Variants in IRAG2 observed in about 807,000 individuals in gnomAD.
The protein encoded by IRAG2 is lymphoid restricted membrane protein.
IRAG2 carries 45 observed loss-of-function variants against 69.9 expected under a neutral mutation model. The ratio of observed to expected loss-of-function variants is 0.64; its 90% CI spans 0.51 to 0.83. The LOEUF (loss-of-function observed/expected upper bound fraction) is 0.83, where lower values mean the gene tolerates loss of function less well. Ranked by LOEUF, IRAG2 falls within the 40% of genes least tolerant of loss-of-function variation. IRAG2 has a pLI of 0.00. For synonymous variants in IRAG2, 193 were observed against 202.4 expected, an observed-to-expected ratio of 0.95 and a Z score of 0.40; for missense variants, 520 against 587.0, an observed-to-expected ratio of 0.89 and a Z score of 1.18.
upstream of IRAG2, among the ~76,000 whole-genome samples, chr12:25,002,649 C>CTTCTT (rs1944400347): frequency 6.9e-6 from 1 of 145,476 alleles, no homozygotes; most frequent in Non-Finnish European, 1.5e-5. Flanking sequence ...TTCTTCTTTT[C>CTTCTT]TTTTTTTTTT....
chr12:25,081,188 C>T (rs7315058), intron 9 of IRAG2, among the ~76,000 whole-genome samples: 4 of 152,118 alleles, frequency 2.6e-5, no homozygotes, highest in African/African-American at 9.7e-5. Flanking sequence ...TGTGGCTGGG[C>T]GTGGTGGCTC....
chr12:25,108,138 G>A lies in IRAG2; in HGVS notation c.*78G>A, dbSNP rs1949346974. ...CTTCGTAAATTAGTAACTTTTAGCT[G>A]GGAAAGTATAGCATGAAACCAGAGG... On this transcript the variant is annotated 3_prime_UTR_variant, in exon 22 of 22. Coordinates refer to ENST00000556887, the MANE Select transcript of IRAG2 (RefSeq NM_001366544.2). 1 of 1,501,218 alleles carries A rather than the reference G, an allele frequency of 6.7e-7. No homozygotes were observed. The highest frequency in any genetic ancestry group is 9.1e-7 in the Non-Finnish European group (1 of 1,104,940). The allele number at this position is 1,501,218 out of a possible 1,614,324, so 93.0% of individuals were successfully genotyped here. A position where few individuals can be genotyped will look rare whatever the true frequency, so the allele number is the denominator to read the frequency against.
At chr12:25,045,942 G>A (rs2139866942) in intron 16 of IRAG2, among the ~76,000 whole-genome samples, 1 of 150,550 alleles carries the variant, frequency 6.6e-6, no homozygotes, top group South Asian at 2.1e-4. Context: ...AGCTAGGCCA[G>A]TACCCCTGAT....
intron 5 of IRAG2, among the ~76,000 whole-genome samples, chr12:25,067,741 C>T (rs1946078712): frequency 6.6e-6 from 1 of 152,162 alleles, no homozygotes. Flanking sequence ...AATTTGGGCT[C>T]ACTGAAACCT....
At chr12:25,067,322 T>A (rs1946045815) in intron 5 of IRAG2, among the ~76,000 whole-genome samples, 1 of 152,084 alleles carries the variant, frequency 6.6e-6, no homozygotes, top group African/African-American at 2.4e-5. Flanking sequence ...GTGTGGGGGT[T>A]TTTTTCCCCA....
rs77453388 is a variant in IRAG2, at chr12:25,089,824, A to G, written c.465+34A>G. 0.093 allele frequency: 150,091 copies of G among 1,607,040 alleles called. 7,611 individuals are homozygous for G. The highest frequency in any genetic ancestry group is 0.14 in the South Asian group (12,319 of 90,820). ...AAAGCAAATTTTTTTTCCTTTTAAA[A>G]AAGTGTTCCAGACTCACCTGCTACA... On this transcript the variant is annotated intron_variant, in intron 13 of 21. Coordinates refer to ENST00000556887, the MANE Select transcript of IRAG2 (RefSeq NM_001366544.2).
In IRAG2 at chr12:25,101,340, T is replaced by C. The variant is rs375716762; in HGVS notation, c.889+15T>C. 40 of 1,567,592 alleles carry C rather than the reference T, an allele frequency of 2.6e-5. No individual in the cohort carries two copies. Among genetic ancestry groups the C allele is most frequent in the Non-Finnish European group, 2.4e-5 (28 of 1,153,198 alleles). On this transcript the variant is annotated intron_variant, in intron 16 of 21. Coordinates refer to ENST00000556887, the MANE Select transcript of IRAG2 (RefSeq NM_001366544.2). ...TGAAGATGATGGTAATAAAAGTTTA[T>C]GATAATAGTATTAGTTGTGTTTTTC...
intron 12 of IRAG2, chr12:25,033,682 G>A: frequency 2.6e-6 from 1 of 385,618 alleles, no homozygotes; most frequent in Non-Finnish European, 4.6e-6. Flanking sequence ...GCAGCTCCTG[G>A]AGGACAGAGA....
intron 10 of IRAG2, chr12:25,030,896 G>T: frequency 3.1e-6 from 1 of 321,076 alleles, no homozygotes. Context: ...TCATTTTAGG[G>T]TGGAAGAAGA....
intron 5 of IRAG2, among the ~76,000 whole-genome samples, chr12:25,068,349 C>T (rs959447578): frequency 1.6e-4 from 25 of 152,184 alleles, no homozygotes; most frequent in Non-Finnish European, 2.9e-4. Flanking sequence ...GTCTCGAGCA[C>T]AGGAGGGTCT....
At chr12:25,048,258 T>C (rs939373521), upstream of IRAG2, among the ~76,000 whole-genome samples, 56 of 152,206 alleles carry the variant, frequency 3.7e-4, no homozygotes, top group African/African-American at 1.3e-3. Flanking sequence ...ATGTCTTATT[T>C]TGAGAAGTGT....
chr12:25,094,520 T>C (rs1003331115), intron 14 of IRAG2, among the ~76,000 whole-genome samples: 5 of 152,204 alleles, frequency 3.3e-5, no homozygotes, highest in African/African-American at 9.6e-5. Context: ...TGAGTCCTCC[T>C]ACTTTTTCAA....
Position 25,068,697 on chromosome 12 carries a change from C to T in IRAG2, c.-58-653C>T, listed in dbSNP as rs117695002. On this transcript the variant is annotated intron_variant, in intron 5 of 21. Coordinates refer to ENST00000556887, the MANE Select transcript of IRAG2 (RefSeq NM_001366544.2). Reference sequence around the variant, plus strand: ...AATTTCAAGAGATTCAGGAGCTTCGCGTCAAACACTCCTATCACTCGGGAA... The same window carrying T: ...AATTTCAAGAGATTCAGGAGCTTCGTGTCAAACACTCCTATCACTCGGGAA... 8.5e-3 allele frequency among the ~76,000 whole-genome samples: 1,298 copies of T among 152,128 alleles called. 13 individuals are homozygous for T. The highest frequency in any genetic ancestry group is 0.014 in the Middle Eastern group (4 of 294).
At chr12:25,042,744 C>G (rs940821380) in intron 16 of IRAG2, among the ~76,000 whole-genome samples, 9 of 151,780 alleles carry the variant, frequency 5.9e-5, no homozygotes, top group African/African-American at 2.2e-4. Flanking sequence ...GGATTATAGG[C>G]ATGAACCACC....
At chr12:25,089,460 C>T (rs1442332946) in intron 11 of IRAG2, among the ~76,000 whole-genome samples, 154 bp from the exon 12 acceptor site, 2 of 152,198 alleles carry the variant, frequency 1.3e-5, no homozygotes, top group African/African-American at 4.8e-5. Context: ...CTTAGCATAA[C>T]ATTATAATTT....
At position 25,090,199 on chromosome 12, in the gene IRAG2, T is replaced by C. The variant is rs779107267; in HGVS notation, c.606+2T>C. 6.2e-7 allele frequency: 1 copy of C among 1,612,826 alleles called. No homozygotes were observed. The highest frequency in any genetic ancestry group is 8.5e-7 in the Non-Finnish European group (1 of 1,179,276). On this transcript the variant is annotated splice_donor_variant, in intron 14 of 21. Transcript: ENST00000556887. LOFTEE classifies it high-confidence loss of function. Reference sequence around the variant, plus strand: ...ACTAACTGTTTAAAACTATTAGAGGTGAGAATCAGAACATTTGGGATATAA... The same window carrying C: ...ACTAACTGTTTAAAACTATTAGAGGCGAGAATCAGAACATTTGGGATATAA...
intron 10 of IRAG2, among the ~76,000 whole-genome samples, chr12:25,085,875 A>C (rs1389948817): frequency 1.3e-5 from 2 of 152,218 alleles, no homozygotes; most frequent in African/African-American, 4.8e-5. Context: ...TACAGATACA[A>C]CCATTGTAGG....
upstream of IRAG2, among the ~76,000 whole-genome samples, chr12:25,049,334 C>A (rs1238704595): frequency 1.3e-5 from 2 of 152,102 alleles, no homozygotes; most frequent in South Asian, 2.1e-4. Context: ...TTACTTTGGG[C>A]AGTATGGCTA....
Position 25,012,496 on chromosome 12 carries a change from A to G in IRAG2, c.896+945A>G, listed in dbSNP as rs550259104. ...TCCTATGCCTCCTATTCAGCCACCA[A>G]TCTTCAGCTATCTGCTGATGCATGC... On this transcript the variant is annotated intron_variant, in intron 3 of 38. Coordinates refer to the IRAG2 transcript ENST00000636465. 2.4e-3 allele frequency among the ~76,000 whole-genome samples: 366 copies of G among 151,950 alleles called. 3 individuals carry two copies. The highest frequency in any genetic ancestry group is 8.2e-3 in the African/African-American group (338 of 41,450).
Sources: gnomAD v4.1 joint callset for allele counts (sites outside exome capture counted in the v4.1 genomes callset) on GRCh38, gnomAD v4.1.1 for gene constraint, MANE v1.5 for transcripts, NCBI Gene and HGNC (gene_info 2026-07-23, HGNC 2026-07-21) for gene names.